Variants in IGF1 observed in about 807,000 individuals in gnomAD.
IGF1 encodes insulin like growth factor 1, also known as insulin-like growth factor 1.
Under a neutral mutation model 13.8 loss-of-function variants are expected in IGF1, and 4 were observed. The observed-to-expected ratio is 0.29, with a 90% confidence interval of 0.14 to 0.66. IGF1 has a LOEUF of 0.66. IGF1 is among the 30% of genes least tolerant of loss of function. The pLI is 0.78. For missense variants in IGF1, 124 were observed against 188.5 expected (o/e 0.66, Z 2.00); for synonymous variants, 76 against 72.6 (o/e 1.05, Z -0.23).
intron 3 of IGF1, chr12:102,418,084 C>T: frequency 6.9e-7 from 1 of 1,453,310 alleles, no homozygotes; most frequent in East Asian, 2.3e-5. Flanking sequence ...AATGCCCAGG[C>T]TCCATATGAT....
Position 102,402,480 on chromosome 12 carries a change from C to T in IGF1, c.*27G>A, listed in dbSNP as rs5742698. On this transcript the variant is annotated 3_prime_UTR_variant, in exon 4 of 4. Coordinates refer to ENST00000337514, the MANE Select transcript of IGF1 (RefSeq NM_000618.5). ...AGCAAAGGATCCTGCGGTGGCATGTCACTCTTCACTCCTCAGGAGGGTCTT... is the reference window on the plus strand; with the variant it reads ...AGCAAAGGATCCTGCGGTGGCATGTTACTCTTCACTCCTCAGGAGGGTCTT... The T allele has an allele frequency of 2.2e-4, 175 of 780,772 alleles. No homozygotes were observed. In the African/African-American group the frequency reaches 2.8e-3, roughly 13 times the overall value. The allele number at this position is 780,772 out of a possible 1,614,324, so 48.4% of individuals were successfully genotyped here.
At chr12:102,426,480 G>A (rs1233199342) in intron 2 of IGF1, among the ~76,000 whole-genome samples, 13 of 152,186 alleles carry the variant, frequency 8.5e-5, no homozygotes, top group African/African-American at 2.7e-4. Context: ...AAGTTTGGTC[G>A]AAGCAGATGG....
At chr12:102,439,950 C>T (rs1365615275) in intron 2 of IGF1, among the ~76,000 whole-genome samples, 1 of 152,168 alleles carries the variant, frequency 6.6e-6, no homozygotes. Context: ...TAAGGGGAAA[C>T]TTGCTGACCC....
intron 3 of IGF1, among the ~76,000 whole-genome samples, chr12:102,406,283 C>T (rs947692553): frequency 2.0e-5 from 3 of 152,222 alleles, no homozygotes; most frequent in Admixed American, 1.3e-4. Context: ...ACGCCAGCCA[C>T]CCTTGACAAT....
chr12:102,436,326 A>G (rs1328183220), intron 2 of IGF1, among the ~76,000 whole-genome samples: 1 of 152,226 alleles, frequency 6.6e-6, no homozygotes, highest in African/African-American at 2.4e-5. Flanking sequence ...AGCGAGAAAC[A>G]CAAGCTAGTC....
At chr12:102,480,609 C>T (rs1191260651), upstream of IGF1, 4 of 1,376,512 alleles carry the variant, frequency 2.9e-6, no homozygotes, top group African/African-American at 1.5e-5. Flanking sequence ...AACACAGACA[C>T]TGTAGACAGG....
intron 3 of IGF1, among the ~76,000 whole-genome samples, chr12:102,415,343 T>C (rs1208259460): frequency 6.6e-6 from 1 of 152,106 alleles, no homozygotes; most frequent in Non-Finnish European, 1.5e-5. Context: ...GCTTGGGTAT[T>C]GATACTGGAA....
intron 3 of IGF1, among the ~76,000 whole-genome samples, chr12:102,410,843 C>T (rs975230048): frequency 6.6e-6 from 1 of 152,162 alleles, no homozygotes; most frequent in Non-Finnish European, 1.5e-5. Context: ...GGAAGGCTCT[C>T]TTGAACTTTT....
chr12:102,417,746 T>A, intron 3 of IGF1: 1 of 1,599,684 alleles, frequency 6.3e-7, no homozygotes, highest in South Asian at 1.1e-5. Flanking sequence ...CTATTGTATT[T>A]TCTGCTTTTC....
At chr12:102,420,205 C>T (rs1363820052) in intron 2 of IGF1, among the ~76,000 whole-genome samples, 2 of 152,120 alleles carry the variant, frequency 1.3e-5, no homozygotes, top group African/African-American at 4.8e-5. Flanking sequence ...AAAACTGAGA[C>T]TCAGAGGTGG....
At chr12:102,466,659 T>C (rs1464254696) in intron 2 of IGF1, among the ~76,000 whole-genome samples, 1 of 152,096 alleles carries the variant, frequency 6.6e-6, no homozygotes, top group Non-Finnish European at 1.5e-5. Flanking sequence ...TCCAGCACTT[T>C]GGGAGACTGA....
At chr12:102,441,930 T>G (rs1238267583) in intron 2 of IGF1, among the ~76,000 whole-genome samples, 2 of 131,798 alleles carry the variant, frequency 1.5e-5, no homozygotes, top group African/African-American at 5.7e-5. Context: ...TTCTTCTTCT[T>G]CTTCTTCTTC....
intron 2 of IGF1, among the ~76,000 whole-genome samples, chr12:102,433,089 C>A (rs1876884437): frequency 6.6e-6 from 1 of 152,090 alleles, no homozygotes; most frequent in African/African-American, 2.4e-5. Flanking sequence ...CTCTGGAGAA[C>A]CTGGCTCCTC....
chr12:102,473,531 C>T (rs751914704), intron 2 of IGF1, among the ~76,000 whole-genome samples: 7 of 152,108 alleles, frequency 4.6e-5, no homozygotes, highest in East Asian at 1.9e-4. Context: ...GAGGGTATGT[C>T]GGATTAACAT....
intron 2 of IGF1, among the ~76,000 whole-genome samples, chr12:102,448,805 C>G (rs1878628167): frequency 6.6e-6 from 1 of 151,074 alleles, no homozygotes; most frequent in South Asian, 2.1e-4. Context: ...AAAAGCTCAT[C>G]ATCACTGGTC....
chr12:102,408,265 G>T (rs1565962190), intron 3 of IGF1, among the ~76,000 whole-genome samples: 1 of 152,066 alleles, frequency 6.6e-6, no homozygotes, highest in East Asian at 1.9e-4. Context: ...CTTGGCCTGG[G>T]GACATGTGAA....
At chr12:102,478,764 G>T in intron 1 of IGF1, 1 of 689,432 alleles carries the variant, frequency 1.5e-6, no homozygotes. Context: ...TCCATTGTAT[G>T]CCTATTGTAG....
chr12:102,453,749 A>T (rs1307970580), intron 2 of IGF1, among the ~76,000 whole-genome samples: 2 of 152,178 alleles, frequency 1.3e-5, no homozygotes, highest in Non-Finnish European at 2.9e-5. Flanking sequence ...TGCTCTATAG[A>T]GCATGCTGTC....
At chr12:102,405,234 G>A (rs951064105) in intron 3 of IGF1, among the ~76,000 whole-genome samples, 7 of 151,422 alleles carry the variant, frequency 4.6e-5, no homozygotes, top group Non-Finnish European at 1.0e-4. Flanking sequence ...TTACAGGCAC[G>A]CGCCATCATG....
Sources: gnomAD v4.1 joint callset for allele counts (sites outside exome capture counted in the v4.1 genomes callset) on GRCh38, gnomAD v4.1.1 for gene constraint, MANE v1.5 for transcripts, NCBI Gene and HGNC (gene_info 2026-07-23, HGNC 2026-07-21) for gene names.